MTMR12: variants seen among roughly 807,000 people sequenced by gnomAD.
The protein encoded by MTMR12 is myotubularin related protein 12, also known as myotubularin-related protein 12.
In MTMR12, 33 loss-of-function variants were observed where a neutral mutation model predicts 96.7. The ratio of observed to expected loss-of-function variants is 0.34; its 90% CI spans 0.26 to 0.46. The LOEUF (loss-of-function observed/expected upper bound fraction) is 0.46, where lower values mean the gene tolerates loss of function less well. Among genes scored for constraint, MTMR12 ranks in the 20% least tolerant of loss-of-function variants. The pLI is 1.00. For synonymous variants in MTMR12, 298 were observed against 327.2 expected (o/e 0.91, Z 0.96); for missense variants, 721 against 896.1 (o/e 0.80, Z 2.49).
intron 1 of MTMR12, among the ~76,000 whole-genome samples, chr5:32,280,813 A>C (rs554141743): frequency 6.6e-6 from 1 of 152,326 alleles, no homozygotes; most frequent in East Asian, 1.9e-4. Context: ...ACTACCTAGT[A>C]TGAGAGCTTT....
intron 1 of MTMR12, 128 bp from the exon 2 acceptor site, chr5:32,276,870 C>A: frequency 3.6e-6 from 1 of 278,966 alleles, no homozygotes; most frequent in Non-Finnish European, 6.4e-6. Flanking sequence ...ATGTTACAAG[C>A]TACTTTTTTT....
chr5:32,256,954 A>C (rs953740688), intron 7 of MTMR12, among the ~76,000 whole-genome samples: 8 of 152,236 alleles, frequency 5.3e-5, no homozygotes, highest in Non-Finnish European at 1.2e-4. Flanking sequence ...ACTTTTAAAA[A>C]AAGATTAAAA....
At chr5:32,275,179 C>T (rs1424727851) in intron 2 of MTMR12, among the ~76,000 whole-genome samples, 1 of 152,080 alleles carries the variant, frequency 6.6e-6, no homozygotes, top group Admixed American at 6.6e-5. Flanking sequence ...TATTATGGTG[C>T]TGTTCTCTCA....
intron 1 of MTMR12, among the ~76,000 whole-genome samples, chr5:32,287,008 A>G (rs1750565489): frequency 6.6e-6 from 1 of 152,200 alleles, no homozygotes; most frequent in Non-Finnish European, 1.5e-5. Flanking sequence ...GAAATGTGCT[A>G]TATGTTAGAG....
chr5:32,281,256 AAAAAAAAAC>A (rs1291503593), intron 1 of MTMR12, among the ~76,000 whole-genome samples: 1 of 149,894 alleles, frequency 6.7e-6, no homozygotes, highest in South Asian at 2.1e-4. Flanking sequence ...ATTAAAAAAA[AAAAAAAAAC>A]AAAAAAAACT....
intron 5 of MTMR12, among the ~76,000 whole-genome samples, chr5:32,269,263 CT>C (rs1561778143): frequency 6.6e-6 from 1 of 150,960 alleles, no homozygotes; most frequent in African/African-American, 2.4e-5. Context: ...CTGACCTCAA[CT>C]GATCTACCTG....
At chr5:32,263,282 T>C in intron 6 of MTMR12, 40 bp from the exon 7 acceptor site, 3 of 1,610,620 alleles carry the variant, frequency 1.9e-6, no homozygotes. Context: ...AATCTTTCCA[T>C]GAAGCACTGG....
At chr5:32,256,305 T>C (rs1749129116) in intron 7 of MTMR12, among the ~76,000 whole-genome samples, 3 of 152,196 alleles carry the variant, frequency 2.0e-5, no homozygotes, top group African/African-American at 7.2e-5. Flanking sequence ...TACTGAACAT[T>C]ACTTATCGAT....
At chr5:32,288,648 T>G (rs1561798958) in intron 1 of MTMR12, among the ~76,000 whole-genome samples, 1 of 152,204 alleles carries the variant, frequency 6.6e-6, no homozygotes, top group East Asian at 1.9e-4. Context: ...TAGAGTTGGA[T>G]CAGGCTAAAT....
Position 32,234,969 on chromosome 5 carries a change from G to T in MTMR12, c.1505C>A (p.Thr502Asn). 1 of 1,612,548 alleles carries T rather than the reference G, an allele frequency of 6.2e-7. No homozygotes were observed. The highest frequency in any genetic ancestry group is 8.5e-7 in the Non-Finnish European group (1 of 1,178,834). Reference protein sequence around the residue: ...FFFNSPHQKDTNMGREGQDTQ... With the variant: ...FFFNSPHQKDNNMGREGQDTQ... Reference sequence around the variant, plus strand: ...CCTAAGAGGGACTCTTACCATGTTAGTATCTTTTTGATGAGGTGAATTGAA... The same window carrying T: ...CCTAAGAGGGACTCTTACCATGTTATTATCTTTTTGATGAGGTGAATTGAA... The change falls in exon 14 of 16, where the codon ACT becomes AAT. Residue 502 changes from threonine (T) to asparagine (N), a missense_variant. By Grantham distance (65) the Thr-to-Asn change is moderately conservative. Transcript: ENST00000382142.
intron 4 of MTMR12, 91 bp downstream of exon 4, chr5:32,271,742 T>A: frequency 2.5e-6 from 2 of 786,846 alleles, no homozygotes; most frequent in East Asian, 3.2e-5. Flanking sequence ...AAAAAATTTT[T>A]AAAAATTATA....
At chr5:32,258,545 G>A (rs186250709) in intron 7 of MTMR12, among the ~76,000 whole-genome samples, 36 of 152,298 alleles carry the variant, frequency 2.4e-4, no homozygotes, top group African/African-American at 8.7e-4. Context: ...GCTACTCACA[G>A]TTTCAGCAGC....
At chr5:32,255,574 G>C (rs1336479995) in intron 8 of MTMR12, 119 bp downstream of exon 8, 1 of 914,242 alleles carries the variant, frequency 1.1e-6, no homozygotes. Flanking sequence ...GATATTTCTG[G>C]ATTGTTCTTG....
chr5:32,278,148 A>G (rs1481824418), intron 1 of MTMR12, among the ~76,000 whole-genome samples: 1 of 152,254 alleles, frequency 6.6e-6, no homozygotes, highest in African/African-American at 2.4e-5. Context: ...CTGTTAACAT[A>G]ACAAAGAGAG....
intron 7 of MTMR12, among the ~76,000 whole-genome samples, chr5:32,261,177 G>A (rs1749349571): frequency 1.3e-5 from 2 of 151,962 alleles, no homozygotes; most frequent in African/African-American, 4.8e-5. Flanking sequence ...AGGTTGCGGT[G>A]AGCCGAGATA....
At chr5:32,247,796 A>G (rs1581599276) in intron 10 of MTMR12, 2 of 985,250 alleles carry the variant, frequency 2.0e-6, no homozygotes, top group South Asian at 4.7e-5. Context: ...CACTGCCACA[A>G]TAAGGAGGCG....
chr5:32,247,957 C>T (rs1268834813), intron 10 of MTMR12, 45 bp downstream of exon 10: 1 of 1,597,780 alleles, frequency 6.3e-7, no homozygotes, highest in South Asian at 1.1e-5. Flanking sequence ...CATGGCATGT[C>T]TTTCCCCATA....
Position 32,260,971 on chromosome 5 carries a change from G to GC in MTMR12, c.713+2141dup, listed in dbSNP as rs1749342068. Among the ~76,000 whole-genome samples, 13 of 151,768 alleles carry GC rather than the reference G, an allele frequency of 8.6e-5. No individual in the cohort carries two copies. In the South Asian group the frequency reaches 2.7e-3, roughly 32 times the overall value. The stretch of plus-strand genomic sequence containing the variant: ...AGGTCAGCCAGGCGCAGTGGCTCAC[G>GC]CGTGTAATCCCAGCACTTTGGGAGG... On this transcript the variant is annotated intron_variant, in intron 7 of 15. Coordinates refer to ENST00000382142, the MANE Select transcript of MTMR12 (RefSeq NM_001040446.3).
chr5:32,279,834 A>G (rs1465734609), intron 1 of MTMR12, among the ~76,000 whole-genome samples: 1 of 152,218 alleles, frequency 6.6e-6, no homozygotes, highest in Non-Finnish European at 1.5e-5. Flanking sequence ...GCAGTTCACA[A>G]TAGGGTTCAT....
Sources: allele counts gnomAD v4.1 joint callset (sites outside exome capture counted in the v4.1 genomes callset), GRCh38; gene constraint gnomAD v4.1.1; transcripts MANE v1.5; gene names NCBI Gene and HGNC (gene_info 2026-07-23, HGNC 2026-07-21).